SAXO1: variants seen among roughly 807,000 people sequenced by gnomAD.
The protein encoded by SAXO1 is 4930500O09Rik.
SAXO1 carries 21 observed loss-of-function variants against 17.5 expected under a neutral mutation model. The observed-to-expected ratio is 1.20, with a 90% CI of 0.85 to 1.72. The LOEUF (loss-of-function observed/expected upper bound fraction) is 1.72. Ranked by LOEUF, SAXO1 falls within the 40% of genes most tolerant of loss-of-function variation. The pLI is 0.00. For synonymous variants in SAXO1, 274 were observed against 216.5 expected, an observed-to-expected ratio of 1.27 and a Z score of -2.33; for missense variants, 843 against 596.0, an observed-to-expected ratio of 1.41 and a Z score of -4.32.
chr9:18,990,436 T>A (rs1833769635), intron 1 of SAXO1, among the ~76,000 whole-genome samples: 1 of 152,194 alleles, frequency 6.6e-6, no homozygotes, highest in South Asian at 2.1e-4. Context: ...CAGGACACCG[T>A]GGCTTATGCC....
At chr9:19,029,368 C>T (rs1404483966) in intron 1 of SAXO1, among the ~76,000 whole-genome samples, 14 of 152,150 alleles carry the variant, frequency 9.2e-5, no homozygotes. Flanking sequence ...CCAGAGAGAA[C>T]CAGTGACTCA....
intron 1 of SAXO1, among the ~76,000 whole-genome samples, chr9:18,985,585 A>G (rs1387270468): frequency 1.3e-5 from 2 of 151,976 alleles, no homozygotes; most frequent in Non-Finnish European, 2.9e-5. Flanking sequence ...CCTCGAGTGT[A>G]CTCTCCTGGC....
chr9:18,950,593 G>C (rs900184001), intron 2 of SAXO1, among the ~76,000 whole-genome samples, 165 bp downstream of exon 2: 3 of 152,186 alleles, frequency 2.0e-5, no homozygotes, highest in African/African-American at 7.2e-5. Context: ...CATAAATGCA[G>C]GATATTCCTT....
chr9:19,013,486 G>A (rs1834840857), intron 1 of SAXO1, among the ~76,000 whole-genome samples: 1 of 151,108 alleles, frequency 6.6e-6, no homozygotes, highest in Non-Finnish European at 1.5e-5. Flanking sequence ...ATTTAGGAAT[G>A]CAGTCACAAT....
At chr9:19,004,614 G>C (rs1834415199) in intron 1 of SAXO1, among the ~76,000 whole-genome samples, 1 of 152,128 alleles carries the variant, frequency 6.6e-6, no homozygotes, top group South Asian at 2.1e-4. Context: ...ACTATCACAA[G>C]GACGGAAAAC....
intron 1 of SAXO1, among the ~76,000 whole-genome samples, chr9:18,991,240 G>A (rs1021371968): frequency 7.9e-5 from 12 of 152,256 alleles, no homozygotes; most frequent in Non-Finnish European, 1.5e-4. Flanking sequence ...CAGCCTGGGT[G>A]ACAGAGCGAG....
intron 1 of SAXO1, among the ~76,000 whole-genome samples, chr9:19,040,015 C>G (rs529637831): frequency 1.2e-4 from 19 of 152,298 alleles, no homozygotes; most frequent in African/African-American, 4.6e-4. Flanking sequence ...AGGTGTGAGC[C>G]ACTGTACATG....
intron 3 of SAXO1, 85 bp from the exon 4 acceptor site, chr9:18,929,140 C>T: frequency 6.9e-7 from 1 of 1,449,954 alleles, no homozygotes; most frequent in Non-Finnish European, 9.3e-7. Flanking sequence ...GGTCTTAAGG[C>T]AGTCTCCGAT....
intron 1 of SAXO1, among the ~76,000 whole-genome samples, chr9:19,005,258 T>G (rs1455418297): frequency 6.6e-6 from 1 of 152,142 alleles, no homozygotes; most frequent in Non-Finnish European, 1.5e-5. Context: ...TGTGGCCTTT[T>G]TGGCAGAAAA....
chr9:19,022,176 T>C (rs556782806), intron 1 of SAXO1, among the ~76,000 whole-genome samples: 3 of 152,310 alleles, frequency 2.0e-5, no homozygotes, highest in Non-Finnish European at 4.4e-5. Flanking sequence ...AGGCGCCACC[T>C]TTAAGAGCTG....
At chr9:19,002,246 A>G (rs1034859949) in intron 1 of SAXO1, among the ~76,000 whole-genome samples, 1 of 152,204 alleles carries the variant, frequency 6.6e-6, no homozygotes, top group Admixed American at 6.5e-5. Context: ...AAATTGAGGC[A>G]GTAATAGCCT....
At chr9:18,931,567 G>C (rs892239955) in intron 3 of SAXO1, among the ~76,000 whole-genome samples, 1 of 152,098 alleles carries the variant, frequency 6.6e-6, no homozygotes, top group Admixed American at 6.5e-5. Flanking sequence ...TCTATCTTTA[G>C]CTTTTTAAAA....
chr9:19,045,846 A>C (rs1836200014), intron 1 of SAXO1, among the ~76,000 whole-genome samples: 1 of 152,184 alleles, frequency 6.6e-6, no homozygotes, highest in Admixed American at 6.5e-5. Context: ...ATTTCCATAA[A>C]CTACAGCAAA....
intron 1 of SAXO1, among the ~76,000 whole-genome samples, chr9:18,970,395 T>C (rs1198323968): frequency 6.6e-6 from 1 of 152,196 alleles, no homozygotes; most frequent in East Asian, 1.9e-4. Context: ...TTCTTGGGGA[T>C]GCTCAGGTAT....
At chr9:19,043,152 A>C (rs1281947868) in intron 1 of SAXO1, among the ~76,000 whole-genome samples, 1 of 152,150 alleles carries the variant, frequency 6.6e-6, no homozygotes, top group African/African-American at 2.4e-5. Context: ...AGCCTGAGCA[A>C]CAGAGCAAAA....
chr9:18,930,794 C>T (rs942678020), intron 3 of SAXO1, among the ~76,000 whole-genome samples: 4 of 152,216 alleles, frequency 2.6e-5, no homozygotes, highest in South Asian at 2.1e-4. Context: ...CCACCACGCC[C>T]GGCCTACTGC....
chr9:18,936,459 C>T (rs1435721877), intron 3 of SAXO1, among the ~76,000 whole-genome samples: 1 of 152,144 alleles, frequency 6.6e-6, no homozygotes, highest in Non-Finnish European at 1.5e-5. Context: ...GAGGACAGGG[C>T]TTTTCTGGCT....
chr9:18,997,737 T>G (rs962921079), intron 1 of SAXO1, among the ~76,000 whole-genome samples: 1 of 151,920 alleles, frequency 6.6e-6, no homozygotes, highest in African/African-American at 2.4e-5. Flanking sequence ...TTCATACAGG[T>G]GGGTGCCGAT....
At chr9:18,995,210 A>T (rs1156419380) in intron 1 of SAXO1, among the ~76,000 whole-genome samples, 1 of 152,212 alleles carries the variant, frequency 6.6e-6, no homozygotes, top group Non-Finnish European at 1.5e-5. Flanking sequence ...AACCTAATGC[A>T]GACATGTCAA....
Sources: gnomAD v4.1 joint callset for allele counts (sites outside exome capture counted in the v4.1 genomes callset) on GRCh38, gnomAD v4.1.1 for gene constraint, MANE v1.5 for transcripts, NCBI Gene and HGNC (gene_info 2026-07-23, HGNC 2026-07-21) for gene names.